AKAP19: variants seen among roughly 807,000 people sequenced by gnomAD.
AKAP19 encodes the protein A-kinase anchoring protein 19, also known as small A-kinase anchoring protein.
At chr2:190,022,798 G>T in the AKAP19 span, among the ~76,000 whole-genome samples, 2 of 152,118 alleles carry the variant, frequency 1.3e-5, no homozygotes, top group East Asian at 3.9e-4. Context: ...GGGTCTCAAG[G>T]TCACATACTA....
At chr2:189,985,000 G>A in the AKAP19 span, among the ~76,000 whole-genome samples, 228 of 152,234 alleles carry the variant, frequency 1.5e-3, 1 homozygote, top group Middle Eastern at 3.4e-3. Context: ...CTGTCCTTGG[G>A]AAAATCTCAA....
At chr2:190,117,137 G>GT in the AKAP19 span, among the ~76,000 whole-genome samples, 1 of 152,162 alleles carries the variant, frequency 6.6e-6, no homozygotes, top group African/African-American at 2.4e-5. Context: ...GCTAGGCTCT[G>GT]TTGTGGACCT....
At chr2:190,100,274 G>C in the AKAP19 span, among the ~76,000 whole-genome samples, 2 of 152,128 alleles carry the variant, frequency 1.3e-5, no homozygotes, top group Non-Finnish European at 2.9e-5. Flanking sequence ...TATGTGCCAT[G>C]CCAAGATGGG....
the AKAP19 span, among the ~76,000 whole-genome samples, chr2:190,050,384 G>A: frequency 6.6e-6 from 1 of 152,184 alleles, no homozygotes; most frequent in Non-Finnish European, 1.5e-5. Context: ...GAGGTATGGA[G>A]GTTGCCTCAG....
the AKAP19 span, among the ~76,000 whole-genome samples, chr2:189,994,167 C>T: frequency 2.0e-5 from 3 of 151,808 alleles, no homozygotes; most frequent in African/African-American, 7.3e-5. Context: ...CCTGCCACCA[C>T]GCCTGGCTAA....
At chr2:190,004,261 C>T in the AKAP19 span, among the ~76,000 whole-genome samples, 2 of 150,782 alleles carry the variant, frequency 1.3e-5, no homozygotes, top group East Asian at 1.9e-4. Context: ...TACCCTAAAA[C>T]TTAAAGTATA....
chr2:190,141,125 G>A, the AKAP19 span, among the ~76,000 whole-genome samples: 2 of 152,154 alleles, frequency 1.3e-5, no homozygotes, highest in Non-Finnish European at 2.9e-5. Context: ...ATCACTATCA[G>A]TATTTTGGTC....
At chr2:190,004,701 C>T in the AKAP19 span, among the ~76,000 whole-genome samples, 2,216 of 152,126 alleles carry the variant, frequency 0.015, 55 homozygotes, top group African/African-American at 0.051. Flanking sequence ...CCCTCCCGAC[C>T]TCCCTTGCAA....
At chr2:190,189,602 C>A in the AKAP19 span, 1 of 152,068 alleles carries the variant, frequency 6.6e-6, no homozygotes, top group Non-Finnish European at 1.5e-5. Flanking sequence ...GAAATATGTG[C>A]AAATTAAAGT....
the AKAP19 span, among the ~76,000 whole-genome samples, chr2:190,063,300 A>G: frequency 2.0e-5 from 3 of 152,094 alleles, no homozygotes; most frequent in Non-Finnish European, 1.5e-5. Flanking sequence ...CTTAGTAAAT[A>G]TTGGAAGTCA....
the AKAP19 span, among the ~76,000 whole-genome samples, chr2:190,152,626 C>T: frequency 6.6e-6 from 1 of 152,034 alleles, no homozygotes; most frequent in African/African-American, 2.4e-5. Context: ...CACTTTTTCC[C>T]CCATAGGAAT....
chr2:190,148,953 C>CTTT, the AKAP19 span, among the ~76,000 whole-genome samples: 1 of 134,088 alleles, frequency 7.5e-6, no homozygotes, highest in African/African-American at 2.8e-5. Context: ...TCTTTTCTTT[C>CTTT]TTTTTTTTTT....
the AKAP19 span, among the ~76,000 whole-genome samples, chr2:190,020,512 A>G: frequency 1.3e-5 from 2 of 152,338 alleles, no homozygotes; most frequent in East Asian, 3.9e-4. Flanking sequence ...AGTCAGTACT[A>G]TGTATCAGAC....
chr2:190,027,606 G>A, the AKAP19 span, among the ~76,000 whole-genome samples: 1 of 152,178 alleles, frequency 6.6e-6, no homozygotes, highest in African/African-American at 2.4e-5. Flanking sequence ...GTGAAAGGGT[G>A]TATCTCCTTT....
At chr2:190,106,923 C>T in the AKAP19 span, among the ~76,000 whole-genome samples, 26 of 152,126 alleles carry the variant, frequency 1.7e-4, no homozygotes, top group African/African-American at 6.3e-4. Flanking sequence ...CTTAAATTCA[C>T]CAACTGAGGA....
At chr2:189,995,703 G>A in the AKAP19 span, among the ~76,000 whole-genome samples, 1 of 151,486 alleles carries the variant, frequency 6.6e-6, no homozygotes, top group South Asian at 2.1e-4. Flanking sequence ...TCACCGTGTT[G>A]TTGTTTTATA....
chr2:190,133,001 C>A, the AKAP19 span, among the ~76,000 whole-genome samples: 1 of 151,858 alleles, frequency 6.6e-6, no homozygotes, highest in Non-Finnish European at 1.5e-5. Context: ...CTTTGGGAGG[C>A]CAAGGTGGGC....
the AKAP19 span, among the ~76,000 whole-genome samples, chr2:189,972,522 G>A: frequency 6.6e-6 from 1 of 152,210 alleles, no homozygotes; most frequent in Admixed American, 6.5e-5. Flanking sequence ...TGCAAAGAAA[G>A]TCATTGGTAG....
chr2:190,118,074 G>A, the AKAP19 span, among the ~76,000 whole-genome samples: 1 of 152,190 alleles, frequency 6.6e-6, no homozygotes, highest in Admixed American at 6.5e-5. Flanking sequence ...TACCATCAGA[G>A]AGTACTGTAA....
Sources: allele counts gnomAD v4.1 joint callset (sites outside exome capture counted in the v4.1 genomes callset), GRCh38; gene constraint gnomAD v4.1.1; transcripts MANE v1.5; gene names NCBI Gene and HGNC (gene_info 2026-07-23, HGNC 2026-07-21).